Variants in ADGRF1 observed in about 807,000 individuals in gnomAD.
ADGRF1 encodes the protein G protein-coupled receptor 110.
In ADGRF1, 85 loss-of-function variants were observed where a neutral mutation model predicts 87.2. That is an observed-to-expected ratio of 0.97 (90% confidence interval 0.82 to 1.17). The LOEUF (loss-of-function observed/expected upper bound fraction) is 1.17. ADGRF1 is among the 50% of genes most tolerant of loss of function. ADGRF1 has a pLI of 0.00. For missense variants in ADGRF1, 1,169 were observed against 1,077.2 expected, an observed-to-expected ratio of 1.09 and a Z score of -1.19; for synonymous variants, 430 against 408.8, an observed-to-expected ratio of 1.05 and a Z score of -0.63.
At chr6:47,041,511 T>C (rs1043879976) in intron 1 of ADGRF1, among the ~76,000 whole-genome samples, 2 of 152,118 alleles carry the variant, frequency 1.3e-5, no homozygotes, top group African/African-American at 4.8e-5. Flanking sequence ...GCTATCAGGT[T>C]TACATAAATG....
At chr6:47,000,939 A>G (rs1379456188) in intron 14 of ADGRF1, among the ~76,000 whole-genome samples, 2 of 152,218 alleles carry the variant, frequency 1.3e-5, no homozygotes, top group Admixed American at 1.3e-4. Flanking sequence ...ATGTTTAAAC[A>G]CTGGTCTTGC....
At chr6:47,000,318 A>G (rs1326129291) in intron 14 of ADGRF1, 23 bp from the exon 15 acceptor site, 1 of 1,542,546 alleles carries the variant, frequency 6.5e-7, no homozygotes, top group East Asian at 2.3e-5. Flanking sequence ...AAAAAAGGAA[A>G]TAATTATTGT....
rs953199199 is a variant in ADGRF1 at position 46,998,028 on chromosome 6, G to A, written c.*2194C>T. ...TTTCTTCCCTCTCCAACTGAGTCTT[G>A]TGTTGAGTTGCCTACTTGCGCTAGC... On this transcript the variant is annotated 3_prime_UTR_variant, in exon 15 of 15. Coordinates refer to ENST00000371253, the MANE Select transcript of ADGRF1 (RefSeq NM_153840.4). The A allele has an allele frequency of 6.6e-6, 1 of 152,202 alleles. No homozygotes were observed. The highest frequency in any genetic ancestry group is 6.5e-5 in the Admixed American group (1 of 15,282). 9.4% of individuals were successfully genotyped at this position (152,202 alleles called of 1,614,324 possible). A position where few individuals can be genotyped will look rare whatever the true frequency, so the allele number is the denominator to read the frequency against.
chr6:47,007,861 C>A (rs1779576766), intron 11 of ADGRF1, among the ~76,000 whole-genome samples: 1 of 152,338 alleles, frequency 6.6e-6, no homozygotes, highest in Non-Finnish European at 1.5e-5. Context: ...TGCTCCCCAA[C>A]AGGGGTGCCC....
chr6:47,021,887 A>C, intron 6 of ADGRF1, 71 bp downstream of exon 6: 2 of 814,076 alleles, frequency 2.5e-6, no homozygotes, highest in South Asian at 3.0e-5. Context: ...TTAAATATAC[A>C]TGCTGAATTG....
intron 5 of ADGRF1, 149 bp downstream of exon 5, chr6:47,023,895 G>T (rs952895974): frequency 1.7e-5 from 11 of 661,886 alleles, no homozygotes; most frequent in Non-Finnish European, 2.5e-5. Context: ...TTCTCACTGG[G>T]TCCAGACAGG....
At position 46,998,737 on chromosome 6, in the gene ADGRF1, G is replaced by A. The variant is rs1477537120; in HGVS notation, c.*1485C>T. The A allele has an allele frequency of 1.3e-5, 2 of 152,248 alleles. No individual in the cohort carries two copies. Among genetic ancestry groups the A allele is most frequent in the African/African-American group, 4.8e-5 (2 of 41,454 alleles). 9.4% of individuals were successfully genotyped at this position (152,248 alleles called of 1,614,324 possible). A position where few individuals can be genotyped will look rare whatever the true frequency, so the allele number is the denominator to read the frequency against. On this transcript the variant is annotated 3_prime_UTR_variant, in exon 15 of 15. Coordinates refer to ENST00000371253, the MANE Select transcript of ADGRF1 (RefSeq NM_153840.4). ...TCACTTTTGTGGGTAGGTAGAGTGA[G>A]AAGGCTCATAGAGCAGTTTTCTGCA...
At chr6:47,033,514 A>C (rs1780497549) in intron 1 of ADGRF1, among the ~76,000 whole-genome samples, 1 of 152,258 alleles carries the variant, frequency 6.6e-6, no homozygotes, top group Non-Finnish European at 1.5e-5. Flanking sequence ...TTTCTCTGGC[A>C]TCAATATTTA....
At chr6:47,031,903 G>T (rs1245341812) in intron 1 of ADGRF1, among the ~76,000 whole-genome samples, 1 of 151,976 alleles carries the variant, frequency 6.6e-6, no homozygotes, top group East Asian at 1.9e-4. Context: ...TAGAGACAAG[G>T]TTTCACTATA....
intron 1 of ADGRF1, among the ~76,000 whole-genome samples, chr6:47,033,466 C>T (rs1780495574): frequency 6.6e-6 from 1 of 152,236 alleles, no homozygotes. Flanking sequence ...GCATTCTTGG[C>T]AACAATCTAA....
At chr6:47,016,289 G>A (rs1779876513) in intron 8 of ADGRF1, among the ~76,000 whole-genome samples, 1 of 152,128 alleles carries the variant, frequency 6.6e-6, no homozygotes, top group South Asian at 2.1e-4. Flanking sequence ...TGTGACTTAG[G>A]AATATTGTCA....
intron 1 of ADGRF1, among the ~76,000 whole-genome samples, chr6:47,033,611 C>T (rs966240936): frequency 5.9e-5 from 9 of 152,266 alleles, no homozygotes; most frequent in African/African-American, 1.9e-4. Context: ...CGCCCATGCG[C>T]ACACACACAT....
rs1394481167 is a variant in ADGRF1, at chr6:46,999,812, AC to A, written c.*409del. The stretch of plus-strand genomic sequence containing the variant: ...TTTTCCCACCATCCCCCCACCAGTA[AC>A]TTTTTGACAAGAAAATGAACGTGGC... On this transcript the variant is annotated 3_prime_UTR_variant, in exon 15 of 15. Transcript: ENST00000371253. The A allele has an allele frequency of 6.5e-6, 1 of 153,186 alleles. No homozygotes were observed. The highest frequency in any genetic ancestry group is 2.1e-4 in the South Asian group (1 of 4,854). 9.5% of individuals were successfully genotyped at this position (153,186 alleles called of 1,614,324 possible).
At chr6:47,013,759 G>C (rs537759818) in intron 9 of ADGRF1, 47 of 581,604 alleles carry the variant, frequency 8.1e-5, no homozygotes, top group South Asian at 1.5e-4. Flanking sequence ...TTGGATCATG[G>C]AGGTGGTTTC....
chr6:47,018,448 G>T (rs1779945151), intron 7 of ADGRF1: 1 of 1,289,730 alleles, frequency 7.8e-7, no homozygotes, highest in African/African-American at 1.5e-5. Flanking sequence ...AATAAGTGCA[G>T]ACACCCTTTT....
At position 47,000,059 on chromosome 6, in the gene ADGRF1, A is replaced by C; in HGVS notation, c.*163T>G. 1.8e-6 allele frequency: 1 copy of C among 558,424 alleles called. No individual in the cohort carries two copies. The highest frequency in any genetic ancestry group is 2.9e-5 in the East Asian group (1 of 34,808). The allele number at this position is 558,424 out of a possible 1,614,324, so 34.6% of individuals were successfully genotyped here. On this transcript the variant is annotated 3_prime_UTR_variant, in exon 15 of 15. Transcript: ENST00000371253. The stretch of plus-strand genomic sequence containing the variant: ...AAATCTTCTTTTCATTTAATTGAAG[A>C]CAAAAGGGAGCAGTAATGAAGCCAC...
chr6:47,011,053 A>G (rs1349529133), intron 10 of ADGRF1, among the ~76,000 whole-genome samples: 1 of 152,200 alleles, frequency 6.6e-6, no homozygotes, highest in Non-Finnish European at 1.5e-5. Context: ...CTTCTAGTCC[A>G]GAATCCCATG....
At chr6:47,035,554 A>G (rs1454937766) in intron 1 of ADGRF1, among the ~76,000 whole-genome samples, 1 of 152,220 alleles carries the variant, frequency 6.6e-6, no homozygotes, top group African/African-American at 2.4e-5. Context: ...ATTTATTTTC[A>G]TTTCACAATT....
rs772803764 is a variant in ADGRF1 at position 47,010,090 on chromosome 6, T to A, written c.1345A>T (p.Ile449Phe). ...GATGTATTTTGGGGACACATTTTAA[T>A]CTGATAGCTGTAACCCCTTTTGAGT... ...SQLKRGYSYQ[I>F]KMCPQNTSIP... Residue 449 changes from isoleucine to phenylalanine, a missense_variant, in exon 11 of 15, where the codon ATT becomes TTT. Coordinates refer to ENST00000371253, the MANE Select transcript of ADGRF1 (RefSeq NM_153840.4). 1 of 1,614,052 alleles carries A rather than the reference T, an allele frequency of 6.2e-7. No homozygotes were observed. The highest frequency in any genetic ancestry group is 1.3e-5 in the African/African-American group (1 of 74,926).
Sources: gnomAD v4.1 joint callset for allele counts (sites outside exome capture counted in the v4.1 genomes callset) on GRCh38, gnomAD v4.1.1 for gene constraint, MANE v1.5 for transcripts, NCBI Gene and HGNC (gene_info 2026-07-23, HGNC 2026-07-21) for gene names.